LRRFIP2: variants seen among roughly 807,000 people sequenced by gnomAD.
The protein encoded by LRRFIP2 is LRR binding FLII interacting protein 2, also known as leucine-rich repeat flightless-interacting protein 2.
In LRRFIP2, 109 loss-of-function variants were observed where a neutral mutation model predicts 125.9. The ratio of observed to expected loss-of-function variants is 0.87; its 90% CI spans 0.74 to 1.01. The LOEUF is 1.01. Ranked by LOEUF, LRRFIP2 falls within the 50% of genes least tolerant of loss-of-function variation. The pLI is 0.00. For synonymous variants in LRRFIP2, 291 were observed against 293.1 expected (o/e 0.99, Z 0.07); for missense variants, 850 against 862.3 (o/e 0.99, Z 0.18).
intron 12 of LRRFIP2, 36 bp from the exon 13 acceptor site, chr3:37,108,165 T>C (rs1320633792): frequency 2.0e-6 from 3 of 1,500,062 alleles, no homozygotes; most frequent in East Asian, 2.3e-5. Context: ...TTTACAACAA[T>C]GATCACCTCA....
At chr3:37,059,797 A>AAAT (rs1553684241) in intron 24 of LRRFIP2, among the ~76,000 whole-genome samples, 3,606 of 145,148 alleles carry the variant, frequency 0.025, 123 homozygotes, top group Admixed American at 0.094. Flanking sequence ...AAAAAAAAAA[A>AAAT]AATAATAATA....
intron 4 of LRRFIP2, among the ~76,000 whole-genome samples, chr3:37,123,441 G>A (rs559623551): frequency 2.0e-5 from 3 of 152,194 alleles, no homozygotes; most frequent in South Asian, 4.2e-4. Context: ...TGCCCGCCTC[G>A]GCCTTCCAAA....
At chr3:37,139,302 CCAAT>C (rs1484191220) in intron 2 of LRRFIP2, among the ~76,000 whole-genome samples, 1 of 152,000 alleles carries the variant, frequency 6.6e-6, no homozygotes, top group Non-Finnish European at 1.5e-5. Flanking sequence ...AAAATGGGTA[CCAAT>C]CAATGTGTAG....
chr3:37,145,908 G>A (rs2095846088), intron 2 of LRRFIP2, among the ~76,000 whole-genome samples: 1 of 152,066 alleles, frequency 6.6e-6, no homozygotes, highest in South Asian at 2.1e-4. Flanking sequence ...AATGGTTTCC[G>A]CATCTGCAAA....
rs184176232 is a variant in LRRFIP2, at chr3:37,161,125, C to T, written c.-55-12087G>A. Among the ~76,000 whole-genome samples, 702 of 144,002 alleles carry T rather than the reference C, an allele frequency of 4.9e-3. 6 individuals are homozygous for T. The highest frequency in any genetic ancestry group is 8.4e-3 in the Non-Finnish European group (557 of 66,624). The allele number at this position is 144,002 out of a possible 152,430, so 94.5% of individuals were successfully genotyped here. On this transcript the variant is annotated intron_variant, in intron 1 of 27. Coordinates refer to ENST00000336686, the MANE Select transcript of LRRFIP2 (RefSeq NM_006309.4). ...TTGGAAGGCCAAAGCAGGTGGATCA[C>T]TTGAGGTCAAGAATTGGAGACCAGC...
In LRRFIP2 at chr3:37,167,683, G is replaced by GA. The variant is rs142681882; in HGVS notation, c.-56+6855dup. Among the ~76,000 whole-genome samples, 683 of 133,994 alleles carry GA rather than the reference G, an allele frequency of 5.1e-3. 5 individuals carry two copies. Among genetic ancestry groups the GA allele is most frequent in the Middle Eastern group, 0.045 (10 of 222 alleles). 87.9% of individuals were successfully genotyped at this position (133,994 alleles called of 152,430 possible). A position where few individuals can be genotyped will look rare whatever the true frequency, so the allele number is the denominator to read the frequency against. The stretch of plus-strand genomic sequence containing the variant: ...AAAAAAAAAAGAAAGAAAGAAAAAA[G>GA]AAAAAAAAAAGAAAACGGGACCAGG... On this transcript the variant is annotated intron_variant, in intron 1 of 27. Transcript: ENST00000336686.
At chr3:37,102,887 G>T (rs1191512745) in intron 15 of LRRFIP2, 37 bp downstream of exon 15, 1 of 1,356,174 alleles carries the variant, frequency 7.4e-7, no homozygotes, top group Admixed American at 2.3e-5. Flanking sequence ...CACAAGCCTG[G>T]GACAACATAA....
upstream of LRRFIP2, chr3:37,175,124 ATTATT>A (rs1227533191): frequency 2.6e-5 from 4 of 152,242 alleles, no homozygotes; most frequent in Non-Finnish European, 5.9e-5. Context: ...TTGAAAAAAT[ATTATT>A]TTAAACACTG....
chr3:37,055,008 C>A (rs1163064606), intron 26 of LRRFIP2, 78 bp downstream of exon 26: 3 of 891,310 alleles, frequency 3.4e-6, no homozygotes, highest in Admixed American at 2.3e-5. Context: ...CAAAGGCAAC[C>A]CAGGCACTCA....
At chr3:37,093,193 T>C (rs1369080454) in intron 17 of LRRFIP2, 1 of 153,158 alleles carries the variant, frequency 6.5e-6, no homozygotes, top group Non-Finnish European at 1.5e-5. Context: ...TGTAACCGCT[T>C]GTGATCAATT....
intron 3 of LRRFIP2, 69 bp downstream of exon 3, chr3:37,128,994 A>G: frequency 2.2e-6 from 3 of 1,351,246 alleles, no homozygotes; most frequent in Admixed American, 1.7e-5. Context: ...GATTCACATC[A>G]GAATAAACTA....
chr3:37,136,282 G>A (rs1429562103), intron 2 of LRRFIP2, among the ~76,000 whole-genome samples: 1 of 152,228 alleles, frequency 6.6e-6, no homozygotes, highest in Non-Finnish European at 1.5e-5. Flanking sequence ...AGGGGCTGGG[G>A]AAGGGGAAGA....
chr3:37,130,855 T>C (rs1229747053), intron 2 of LRRFIP2, among the ~76,000 whole-genome samples: 2 of 152,180 alleles, frequency 1.3e-5, no homozygotes, highest in Non-Finnish European at 2.9e-5. Context: ...AAGGTGAACG[T>C]TCTACCTTAA....
intron 1 of LRRFIP2, among the ~76,000 whole-genome samples, chr3:37,163,806 A>G (rs1467091385): frequency 6.6e-6 from 1 of 152,194 alleles, no homozygotes; most frequent in Non-Finnish European, 1.5e-5. Flanking sequence ...GAATGGTCCC[A>G]AGAGAATGAC....
chr3:37,124,124 T>C (rs539663700), intron 4 of LRRFIP2, among the ~76,000 whole-genome samples: 6 of 152,342 alleles, frequency 3.9e-5, no homozygotes, highest in East Asian at 3.9e-4. Flanking sequence ...TCTCTGACCA[T>C]GGAAATATTC....
intron 1 of LRRFIP2, among the ~76,000 whole-genome samples, chr3:37,155,672 T>C (rs933370249): frequency 1.2e-4 from 18 of 152,314 alleles, no homozygotes; most frequent in African/African-American, 3.4e-4. Flanking sequence ...TATTGTTCTA[T>C]GTAAATTTTA....
chr3:37,157,045 C>A (rs1254032746), intron 1 of LRRFIP2, among the ~76,000 whole-genome samples: 1 of 152,140 alleles, frequency 6.6e-6, no homozygotes, highest in Non-Finnish European at 1.5e-5. Context: ...AGGAGAATTC[C>A]TGGAACCTGG....
chr3:37,092,932 G>A (rs994883454), intron 17 of LRRFIP2, among the ~76,000 whole-genome samples: 1 of 151,938 alleles, frequency 6.6e-6, no homozygotes, highest in Non-Finnish European at 1.5e-5. Context: ...TCTGCCTCCC[G>A]GGTTCAAGCA....
chr3:37,162,799 C>A (rs1009816708), intron 1 of LRRFIP2, among the ~76,000 whole-genome samples: 1 of 152,236 alleles, frequency 6.6e-6, no homozygotes, highest in African/African-American at 2.4e-5. Flanking sequence ...AAAATCCCCA[C>A]AGCCTTTGGG....
Sources: gnomAD v4.1 joint callset for allele counts (sites outside exome capture counted in the v4.1 genomes callset) on GRCh38, gnomAD v4.1.1 for gene constraint, MANE v1.5 for transcripts, NCBI Gene and HGNC (gene_info 2026-07-23, HGNC 2026-07-21) for gene names.